TMEM132B: variants seen among roughly 807,000 people sequenced by gnomAD.
TMEM132B encodes the protein transmembrane protein 132B.
A neutral mutation model predicts 90.8 loss-of-function variants in TMEM132B; 18 were observed. The ratio of observed to expected loss-of-function variants is 0.20; its 90% confidence interval spans 0.14 to 0.29. The LOEUF is 0.29. TMEM132B is among the 10% of genes least tolerant of loss of function. TMEM132B has a pLI of 1.00. For synonymous variants in TMEM132B, 504 were observed against 523.3 expected (o/e 0.96, Z 0.50); for missense variants, 1,096 against 1,326.8 (o/e 0.83, Z 2.70).
intron 3 of TMEM132B, among the ~76,000 whole-genome samples, chr12:125,446,047 C>T (rs1397376938): frequency 6.6e-6 from 1 of 152,250 alleles, no homozygotes; most frequent in Non-Finnish European, 1.5e-5. Flanking sequence ...TCTCTCCAGG[C>T]CCCCGCCAAG....
At chr12:125,646,983 A>G (rs909988853) in intron 6 of TMEM132B, among the ~76,000 whole-genome samples, 4 of 152,224 alleles carry the variant, frequency 2.6e-5, no homozygotes, top group African/African-American at 4.8e-5. Context: ...GGAACCAATT[A>G]AAATGGAAAA....
chr12:125,579,946 T>C (rs2136858033), intron 4 of TMEM132B, among the ~76,000 whole-genome samples: 1 of 152,316 alleles, frequency 6.6e-6, no homozygotes, highest in South Asian at 2.1e-4. Context: ...TGTTGTTTGT[T>C]GTAGTAGCTG....
At chr12:125,560,361 T>C (rs1884489103) in intron 4 of TMEM132B, among the ~76,000 whole-genome samples, 1 of 152,176 alleles carries the variant, frequency 6.6e-6, no homozygotes, top group Admixed American at 6.5e-5. Flanking sequence ...GCATAGTCAG[T>C]GTATATCTTC....
intron 1 of TMEM132B, among the ~76,000 whole-genome samples, chr12:125,318,825 C>A (rs192422824): frequency 5.3e-4 from 81 of 152,208 alleles, no homozygotes; most frequent in Non-Finnish European, 9.1e-4. Context: ...GATGGTTGGT[C>A]CAGGTATGTT....
At chr12:125,564,950 G>A (rs1884625850) in intron 4 of TMEM132B, among the ~76,000 whole-genome samples, 1 of 152,154 alleles carries the variant, frequency 6.6e-6, no homozygotes, top group African/African-American at 2.4e-5. Context: ...TGAAGGATGA[G>A]TAGGGGTTTT....
intron 1 of TMEM132B, among the ~76,000 whole-genome samples, chr12:125,231,202 G>T (rs1002865089): frequency 2.0e-5 from 3 of 150,254 alleles, no homozygotes; most frequent in Admixed American, 6.6e-5. Flanking sequence ...TCACGTGGCT[G>T]TCTTCCGTGT....
rs562084043 is a variant in TMEM132B, at chr12:125,568,485, G to A, written c.1294-15366G>A. 8.1e-4 allele frequency among the ~76,000 whole-genome samples: 124 copies of A among 152,178 alleles called. 1 individual carries two copies. Among genetic ancestry groups the A allele is most frequent in the African/African-American group, 2.8e-3 (116 of 41,510 alleles). On this transcript the variant is annotated intron_variant, in intron 4 of 8. Coordinates refer to ENST00000682704, the MANE Select transcript of TMEM132B (RefSeq NM_001366854.1). ...CCCATGCAATGCCTGATAGACTCCC[G>A]CTCTCAAGGTCAGCCCTTATCAGCC...
intron 2 of TMEM132B, among the ~76,000 whole-genome samples, chr12:125,366,560 A>G (rs191001802): frequency 1.8e-4 from 27 of 152,246 alleles, no homozygotes; most frequent in African/African-American, 5.8e-4. Context: ...CCTGTAGGTG[A>G]TGTGTTGCTG....
At chr12:125,399,483 ATGTGTG>A (rs1555246075) in intron 2 of TMEM132B, among the ~76,000 whole-genome samples, 984 of 69,928 alleles carry the variant, frequency 0.014, 24 homozygotes, top group South Asian at 0.11. Context: ...GTGTGTGTGT[ATGTGTG>A]TGTGTGTGTG....
intron 1 of TMEM132B, among the ~76,000 whole-genome samples, chr12:125,210,299 G>GTGCA (rs1292702955): frequency 5.9e-5 from 9 of 152,178 alleles, no homozygotes; most frequent in Non-Finnish European, 1.2e-4. Context: ...GAAGGAGCGA[G>GTGCA]TGCAAAGGTC....
At chr12:125,646,376 G>A (rs1886764994) in intron 6 of TMEM132B, among the ~76,000 whole-genome samples, 1 of 152,252 alleles carries the variant, frequency 6.6e-6, no homozygotes, top group Non-Finnish European at 1.5e-5. Flanking sequence ...TTTCCAGACA[G>A]CAAATGATGA....
At chr12:125,538,606 A>T (rs1337870684) in intron 4 of TMEM132B, among the ~76,000 whole-genome samples, 1 of 152,220 alleles carries the variant, frequency 6.6e-6, no homozygotes, top group Admixed American at 6.5e-5. Context: ...ATGTGAGTCC[A>T]AGTTCAAAGG....
chr12:125,413,393 C>A (rs1333899955), intron 2 of TMEM132B, among the ~76,000 whole-genome samples: 1 of 151,514 alleles, frequency 6.6e-6, no homozygotes, highest in Non-Finnish European at 1.5e-5. Flanking sequence ...GCAATTAGTA[C>A]ATTCACAGTG....
chr12:125,263,103 C>T (rs1874604971), intron 1 of TMEM132B, among the ~76,000 whole-genome samples: 1 of 152,214 alleles, frequency 6.6e-6, no homozygotes, highest in Non-Finnish European at 1.5e-5. Context: ...ACTGAGTTTG[C>T]TATTGTCTAT....
In TMEM132B at chr12:125,552,520, CTG is replaced by C. The variant is rs1385674006; in HGVS notation, c.1294-31329_1294-31328del. On this transcript the variant is annotated intron_variant, in intron 4 of 8. Transcript: ENST00000682704. ...AGAGTCCCCAGTCCCCAGAGAGTCA[CTG>C]TATGATGCAATCCCATTGAAAGAAA... Among the ~76,000 whole-genome samples, 8 of 152,312 alleles carry C rather than the reference CTG, an allele frequency of 5.3e-5. No individual in the cohort carries two copies. The East Asian group carries it at 1.4e-3, about 26-fold the overall frequency.
chr12:125,214,577 A>G (rs1565976628), intron 1 of TMEM132B, among the ~76,000 whole-genome samples: 1 of 152,208 alleles, frequency 6.6e-6, no homozygotes, highest in Non-Finnish European at 1.5e-5. Flanking sequence ...CACGTTATAG[A>G]GAGTGGACAG....
intron 1 of TMEM132B, among the ~76,000 whole-genome samples, chr12:125,335,173 C>T (rs1441522869): frequency 1.3e-5 from 2 of 152,194 alleles, no homozygotes; most frequent in African/African-American, 4.8e-5. Flanking sequence ...TGGTTTCTGA[C>T]CCCAGGCATG....
intron 1 of TMEM132B, among the ~76,000 whole-genome samples, chr12:125,328,366 C>T (rs1485506952): frequency 6.6e-6 from 1 of 152,222 alleles, no homozygotes; most frequent in African/African-American, 2.4e-5. Flanking sequence ...TGGGAGCCTT[C>T]TTCCCCAAAT....
At chr12:125,345,720 G>A (rs1877336003) in intron 1 of TMEM132B, among the ~76,000 whole-genome samples, 1 of 152,076 alleles carries the variant, frequency 6.6e-6, no homozygotes, top group Admixed American at 6.6e-5. Context: ...TCATAAGGAG[G>A]GCAGTGATGA....
Sources: allele counts gnomAD v4.1 joint callset (sites outside exome capture counted in the v4.1 genomes callset), GRCh38; gene constraint gnomAD v4.1.1; transcripts MANE v1.5; gene names NCBI Gene and HGNC (gene_info 2026-07-23, HGNC 2026-07-21).